The following ATG9A variants were observed in gnomAD, a reference collection of about 807,000 sequenced individuals.
The protein encoded by ATG9A is autophagy related 9A.
A neutral mutation model predicts 87.1 loss-of-function variants in ATG9A; 21 were observed. The observed-to-expected ratio is 0.24, with a 90% CI of 0.17 to 0.35. The LOEUF (loss-of-function observed/expected upper bound fraction) is 0.35. ATG9A is among the 10% of genes least tolerant of loss of function. The pLI is 1.00. For synonymous variants in ATG9A, 422 were observed against 441.3 expected (o/e 0.96, Z 0.55); for missense variants, 836 against 1,107.3 (o/e 0.76, Z 3.48).
At position 219,225,061 on chromosome 2, in the gene ATG9A, C is replaced by T; in HGVS notation, c.516+10G>A. On this transcript the variant is annotated intron_variant, in intron 7 of 15. Coordinates refer to ENST00000361242, the MANE Select transcript of ATG9A (RefSeq NM_001077198.3). Reference sequence around the variant, plus strand: ...GACTATGGGCTAACTGCCCAACTTCCCAGTCTTACCATAGGGATGCGCAGA... The same window carrying T: ...GACTATGGGCTAACTGCCCAACTTCTCAGTCTTACCATAGGGATGCGCAGA... 3 of 1,614,162 alleles carry T rather than the reference C, an allele frequency of 1.9e-6. No homozygotes were observed. Among genetic ancestry groups the T allele is most frequent in the Non-Finnish European group, 2.5e-6 (3 of 1,180,022 alleles).
At chr2:219,227,316 G>A (rs777152143) in intron 4 of ATG9A, among the ~76,000 whole-genome samples, 1 of 152,158 alleles carries the variant, frequency 6.6e-6, no homozygotes, top group Non-Finnish European at 1.5e-5. Flanking sequence ...TCAGGAGTTC[G>A]AGACCAGCCT....
At position 219,225,189 on chromosome 2, in the gene ATG9A, A is replaced by G. The variant is rs774257447; in HGVS notation, c.398T>C (p.Ile133Thr). 6.2e-7 allele frequency: 1 copy of G among 1,613,876 alleles called. No homozygotes were observed. The highest frequency in any genetic ancestry group is 1.1e-5 in the South Asian group (1 of 91,022). ...GACACCAGCAATGACCAGGATGGTGATAAGGGAGCCATTTTCCTGAATCCT... is the reference window on the plus strand; with the variant it reads ...GACACCAGCAATGACCAGGATGGTGGTAAGGGAGCCATTTTCCTGAATCCT... ...SARIQENGSL[I>T]TILVIAGVFW... The change falls in exon 7 of 16, where the codon ATC becomes ACC. Residue 133 changes from isoleucine (I) to threonine (T), a missense_variant. Coordinates refer to ENST00000361242, the MANE Select transcript of ATG9A (RefSeq NM_001077198.3).
chr2:219,225,119 G>A lies in ATG9A; in HGVS notation c.468C>T (p.Cys156=). Residue 156 remains cysteine, a synonymous_variant, in exon 7 of 16, where the codon TGC becomes TGT. Transcript: ENST00000361242. ...GGTAGAAGGAGTGGATCTCCCAGTA[G>A]CAGCAAATGTTATAGATGAACTTGA... ...RLIKFIYNIC[C]YWEIHSFYLH... is the part of the protein sequence containing the mutation. 1.2e-6 allele frequency: 2 copies of A among 1,614,184 alleles called. No homozygotes were observed. The highest frequency in any genetic ancestry group is 1.7e-6 in the Non-Finnish European group (2 of 1,180,042).
At chr2:219,220,981 T>A in intron 14 of ATG9A, 89 bp from the exon 15 acceptor site, 7 of 1,593,452 alleles carry the variant, frequency 4.4e-6, no homozygotes, top group Non-Finnish European at 6.0e-6. Context: ...GGTGAGTCTT[T>A]GGGCCTGTTC....
Position 219,225,223 on chromosome 2 carries a change from A to G in ATG9A, c.375-11T>C. On this transcript the variant is annotated splice_polypyrimidine_tract_variant and intron_variant, in intron 6 of 15. Coordinates refer to ENST00000361242, the MANE Select transcript of ATG9A (RefSeq NM_001077198.3). ...CCATTTTCCTGAATCCTGGTGGGGA[A>G]AAAGAAGGGGAGGAGAGGTGGCCCT... is the stretch of plus-strand genomic sequence containing the variant. 5 of 1,614,106 alleles carry G rather than the reference A, an allele frequency of 3.1e-6. No homozygotes were observed. The highest frequency in any genetic ancestry group is 4.2e-6 in the Non-Finnish European group (5 of 1,180,010).
chr2:219,223,672 G>A lies in ATG9A; in HGVS notation c.1512C>T (p.Phe504=). 1.2e-6 allele frequency: 2 copies of A among 1,613,994 alleles called. No individual in the cohort carries two copies. Among genetic ancestry groups the A allele is most frequent in the Middle Eastern group, 1.7e-4 (1 of 6,060 alleles). Residue 504 remains phenylalanine (F), a synonymous_variant, in exon 10 of 16, where the codon TTC becomes TTT. Transcript: ENST00000361242. This position sits in a 1 kb window ranked among gnomAD's most constrained non-coding sequence, Gnocchi z 4.7. ...LRPRALEIID[F]FRNFTVEVVG... ...CGACCTCCACGGTGAAGTTTCGGAAGAAGTCTATAATCTCCAGGGCCCGTG... is the reference window on the plus strand; with the variant it reads ...CGACCTCCACGGTGAAGTTTCGGAAAAAGTCTATAATCTCCAGGGCCCGTG...
At position 219,226,851 on chromosome 2, in the gene ATG9A, G is replaced by A. The variant is rs369367578; in HGVS notation, c.212+18C>T. ...GATGTATTCTTTCACCACATCATCTGTCCCTTCTTATACTTACATGAGCTC... is the reference window on the plus strand; with the variant it reads ...GATGTATTCTTTCACCACATCATCTATCCCTTCTTATACTTACATGAGCTC... On this transcript the variant is annotated intron_variant, in intron 5 of 15. Coordinates refer to ENST00000361242, the MANE Select transcript of ATG9A (RefSeq NM_001077198.3). 4.4e-6 allele frequency: 7 copies of A among 1,602,174 alleles called. No homozygotes were observed. The highest frequency in any genetic ancestry group is 2.2e-5 in the East Asian group (1 of 44,840).
intron 6 of ATG9A, 63 bp downstream of exon 6, chr2:219,225,348 C>A: frequency 6.3e-7 from 1 of 1,598,392 alleles, no homozygotes; most frequent in South Asian, 1.1e-5. Context: ...TCAGACTCCA[C>A]TCTATTACCC....
Position 219,220,433 on chromosome 2 carries a change from C to T in ATG9A, c.*14G>A, listed in dbSNP as rs1484319311. On this transcript the variant is annotated 3_prime_UTR_variant, in exon 16 of 16. Transcript: ENST00000361242. Reference sequence around the variant, plus strand: ...GCCTCCATCCTGGGCCACAGGAACCCTGCTCAGCCTTGTCTATACCTGTGG... The same window carrying T: ...GCCTCCATCCTGGGCCACAGGAACCTTGCTCAGCCTTGTCTATACCTGTGG... The T allele has an allele frequency of 1.2e-6, 2 of 1,613,676 alleles. No individual in the cohort carries two copies. Among genetic ancestry groups the T allele is most frequent in the South Asian group, 2.2e-5 (2 of 91,080 alleles).
At chr2:219,227,029 T>C in intron 4 of ATG9A, 96 bp from the exon 5 acceptor site, 1 of 1,027,498 alleles carries the variant, frequency 9.7e-7, no homozygotes. Flanking sequence ...GCTCTGTGAC[T>C]TTCTAGCTGT....
chr2:219,224,572 A>T lies in ATG9A; in HGVS notation c.799T>A (p.Trp267Arg). ...WGPGSLFLNE[W>R]SLKAEYKRGG... Reference sequence around the variant, plus strand: ...CGTTTGTACTCGGCCTTGAGGCTCCATTCATTGAGAAACAGAGAGCCAGGT... The same window carrying T: ...CGTTTGTACTCGGCCTTGAGGCTCCTTTCATTGAGAAACAGAGAGCCAGGT... The change falls in exon 8 of 16, where the codon TGG becomes AGG. Residue 267 changes from tryptophan to arginine, a missense_variant. Coordinates refer to ENST00000361242, the MANE Select transcript of ATG9A (RefSeq NM_001077198.3). The surrounding 1 kb of genome is among the most constrained non-coding windows in gnomAD (Gnocchi z 7.7). 2 of 1,614,158 alleles carry T rather than the reference A, an allele frequency of 1.2e-6. No homozygotes were observed. The highest frequency in any genetic ancestry group is 1.7e-6 in the Non-Finnish European group (2 of 1,180,046).
chr2:219,224,735 G>A lies in ATG9A; in HGVS notation c.636C>T (p.Ile212=), dbSNP rs906193990. The A allele has an allele frequency of 1.9e-6, 3 of 1,614,152 alleles. No individual in the cohort carries two copies. Among genetic ancestry groups the A allele is most frequent in the East Asian group, 2.2e-5 (1 of 44,900 alleles). The change falls in exon 8 of 16, where the codon ATC becomes ATT. Residue 212 remains isoleucine (I), a synonymous_variant. Coordinates refer to ENST00000361242, the MANE Select transcript of ATG9A (RefSeq NM_001077198.3). This position sits in a 1 kb window ranked among gnomAD's most constrained non-coding sequence, Gnocchi z 7.7. ...CCACCATGTAGTTCTGGAAACGGAG[G>A]ATGCGGTGGTAGATGTCCAGTTCTG... The part of the protein sequence containing the change: ...ELTELDIYHR[I]LRFQNYMVAL...
In ATG9A at chr2:219,220,370, G is replaced by A. The variant is rs960830841; in HGVS notation, c.*77C>T. On this transcript the variant is annotated 3_prime_UTR_variant, in exon 16 of 16. Coordinates refer to ENST00000361242, the MANE Select transcript of ATG9A (RefSeq NM_001077198.3). ...GGGCCAGGGAACACTCAGAGGAGCC[G>A]TCCCATGGCAGGCAGACGGGATGGC... 24 of 1,561,912 alleles carry A rather than the reference G, an allele frequency of 1.5e-5. No homozygotes were observed. Among genetic ancestry groups the A allele is most frequent in the East Asian group, 1.1e-4 (5 of 44,484 alleles).
At chr2:219,226,482 C>T (rs932252143) in intron 5 of ATG9A, among the ~76,000 whole-genome samples, 27 of 152,024 alleles carry the variant, frequency 1.8e-4, no homozygotes, top group South Asian at 6.2e-4. Flanking sequence ...GTCAGGAGTT[C>T]GAGACCAGCC....
intron 5 of ATG9A, 96 bp downstream of exon 5, chr2:219,226,773 G>T: frequency 1.7e-6 from 2 of 1,144,020 alleles, no homozygotes; most frequent in South Asian, 1.2e-5. Flanking sequence ...GCCTAGGACT[G>T]AGTTGTACTG....
At chr2:219,226,295 C>T (rs909386895) in intron 5 of ATG9A, among the ~76,000 whole-genome samples, 1 of 152,050 alleles carries the variant, frequency 6.6e-6, no homozygotes, top group Non-Finnish European at 1.5e-5. Context: ...ATTTTTAGAG[C>T]CTCCTAAAGT....
chr2:219,227,247 G>A (rs1488263159), intron 4 of ATG9A, among the ~76,000 whole-genome samples: 1 of 152,252 alleles, frequency 6.6e-6, no homozygotes, highest in Non-Finnish European at 1.5e-5. Context: ...GCTGGGTGTG[G>A]TGGCTCACGC....
intron 2 of ATG9A, 143 bp from the exon 3 acceptor site, chr2:219,228,196 A>G (rs1950907282): frequency 2.8e-5 from 17 of 603,902 alleles, no homozygotes; most frequent in South Asian, 1.9e-4. Flanking sequence ...GAGTAGTGAC[A>G]CAAGAAAGGC....
At position 219,219,793 on chromosome 2, in the gene ATG9A, CCTT is replaced by C. The variant is rs1353810277; in HGVS notation, c.*651_*653del. The C allele has an allele frequency of 5.3e-5, 8 of 152,238 alleles. No homozygotes were observed. In the South Asian group the frequency reaches 6.2e-4, roughly 12 times the overall value. 9.4% of individuals were successfully genotyped at this position (152,238 alleles called of 1,614,324 possible). A position where few individuals can be genotyped will look rare whatever the true frequency, so the allele number is the denominator to read the frequency against. On this transcript the variant is annotated 3_prime_UTR_variant, in exon 16 of 16. Coordinates refer to ENST00000361242, the MANE Select transcript of ATG9A (RefSeq NM_001077198.3). Reference sequence around the variant, plus strand: ...CCATCCTGCTCCTACAATTTAGAAACCTTCTTTTTTAGTGTCAAAATATAGCGT... The same window carrying C: ...CCATCCTGCTCCTACAATTTAGAAACCTTTTTTAGTGTCAAAATATAGCGT...
Sources: allele counts gnomAD v4.1 joint callset (sites outside exome capture counted in the v4.1 genomes callset), GRCh38; gene constraint gnomAD v4.1.1; non-coding constraint Gnocchi (gnomAD v3.1); transcripts MANE v1.5; gene names NCBI Gene and HGNC (gene_info 2026-07-23, HGNC 2026-07-21).